MICU3: variants seen among roughly 807,000 people sequenced by gnomAD.
MICU3 encodes mitochondrial calcium uptake 3, also known as calcium uptake protein 3, mitochondrial.
A neutral mutation model predicts 66.5 loss-of-function variants in MICU3; 62 were observed. The ratio of observed to expected loss-of-function variants is 0.93; its 90% CI spans 0.76 to 1.15. The LOEUF (loss-of-function observed/expected upper bound fraction) is 1.15. Among genes scored for constraint, MICU3 ranks in the 50% most tolerant of loss-of-function variants. The pLI, the probability that MICU3 is intolerant of heterozygous loss-of-function variation, is 0.00. For missense variants in MICU3, 779 were observed against 664.4 expected (o/e 1.17, Z -1.90); for synonymous variants, 308 against 240.7 (o/e 1.28, Z -2.59).
intron 1 of MICU3, among the ~76,000 whole-genome samples, chr8:17,039,203 T>C (rs1813604070): frequency 6.6e-6 from 1 of 152,222 alleles, no homozygotes; most frequent in South Asian, 2.1e-4. Flanking sequence ...AATAGGCTAA[T>C]TGTAGCATAA....
At chr8:17,049,414 G>C (rs1160000890) in intron 1 of MICU3, among the ~76,000 whole-genome samples, 1 of 152,158 alleles carries the variant, frequency 6.6e-6, no homozygotes, top group African/African-American at 2.4e-5. Flanking sequence ...CTAGTTAATA[G>C]TACATCAAGA....
chr8:17,029,023 C>A (rs1201492830), intron 1 of MICU3, among the ~76,000 whole-genome samples: 2 of 152,186 alleles, frequency 1.3e-5, no homozygotes, highest in Admixed American at 1.3e-4. Flanking sequence ...TTTGGCTCCA[C>A]GACTTGCTAC....
intron 1 of MICU3, among the ~76,000 whole-genome samples, chr8:17,036,745 C>T (rs962823868): frequency 6.6e-6 from 1 of 152,354 alleles, no homozygotes; most frequent in African/African-American, 2.4e-5. Flanking sequence ...AGGAGCCCAG[C>T]TGGCCTCACC....
At chr8:17,027,815 G>T (rs1811272997) in intron 1 of MICU3, among the ~76,000 whole-genome samples, 155 bp downstream of exon 1, 1 of 152,186 alleles carries the variant, frequency 6.6e-6, no homozygotes, top group Admixed American at 6.5e-5. Flanking sequence ...GACAGCCTAG[G>T]ATCCGGTCAC....
chr8:17,099,574 G>T (rs1801079284), intron 9 of MICU3, among the ~76,000 whole-genome samples: 1 of 151,718 alleles, frequency 6.6e-6, no homozygotes, highest in African/African-American at 2.4e-5. Context: ...TAATATGTCT[G>T]TGATATATAA....
the MICU3 span, among the ~76,000 whole-genome samples, chr8:17,134,430 CTTTTG>C: frequency 2.3e-3 from 269 of 115,900 alleles, 1 homozygote; most frequent in African/African-American, 7.8e-3. Context: ...GAAAGTCAGC[CTTTTG>C]TTTGTTTGTT....
intron 3 of MICU3, among the ~76,000 whole-genome samples, chr8:17,075,375 G>C (rs1356623646): frequency 2.0e-5 from 3 of 152,150 alleles, no homozygotes; most frequent in African/African-American, 7.2e-5. Context: ...CCCCAACTCT[G>C]TAATCACAGT....
At chr8:17,070,972 G>A (rs1189527348) in intron 3 of MICU3, among the ~76,000 whole-genome samples, 4 of 152,260 alleles carry the variant, frequency 2.6e-5, no homozygotes, top group South Asian at 4.1e-4. Context: ...TCCTGGATAG[G>A]ACAGAGTTGG....
chr8:17,096,538 C>T (rs924510110), intron 8 of MICU3, among the ~76,000 whole-genome samples: 2 of 151,742 alleles, frequency 1.3e-5, no homozygotes, highest in Non-Finnish European at 2.9e-5. Flanking sequence ...GCTGTTTTTT[C>T]CTGCAGCAGT....
rs115633663 is a variant in MICU3, at chr8:17,038,287, G to A, written c.381+10627G>A. On this transcript the variant is annotated intron_variant, in intron 1 of 14. Transcript: ENST00000318063. ...GGACCCGGTGGGAGATAATTGAATC[G>A]TGGGGGTGGGTTTTTCCCATGCTGT... 1.7e-3 allele frequency among the ~76,000 whole-genome samples: 258 copies of A among 152,196 alleles called. 1 individual carries two copies. The highest frequency in any genetic ancestry group is 5.6e-3 in the African/African-American group (233 of 41,514).
chr8:17,137,484 T>A, the MICU3 span, among the ~76,000 whole-genome samples: 2 of 149,188 alleles, frequency 1.3e-5, no homozygotes, highest in Non-Finnish European at 3.0e-5. Flanking sequence ...AAGTTTTATA[T>A]TTAATACCTT....
intron 12 of MICU3, among the ~76,000 whole-genome samples, chr8:17,114,896 G>A (rs569136441): frequency 6.6e-6 from 1 of 152,026 alleles, no homozygotes; most frequent in South Asian, 2.1e-4. Context: ...GAGGCGGGCG[G>A]ATCACGAGGT....
chr8:17,106,624 A>G (rs1585530103), intron 11 of MICU3, among the ~76,000 whole-genome samples: 2 of 151,820 alleles, frequency 1.3e-5, no homozygotes, highest in African/African-American at 4.8e-5. Context: ...TTAAAGTTAA[A>G]TTCAGTTTCT....
chr8:17,117,544 T>C (rs1406060643), intron 13 of MICU3, among the ~76,000 whole-genome samples: 2 of 151,954 alleles, frequency 1.3e-5, no homozygotes, highest in African/African-American at 4.8e-5. Flanking sequence ...AAAAATGTTC[T>C]GTTAAAATTA....
intron 1 of MICU3, among the ~76,000 whole-genome samples, chr8:17,030,459 T>G (rs189606648): frequency 1.5e-3 from 222 of 152,174 alleles, no homozygotes; most frequent in African/African-American, 5.1e-3. Context: ...ATAGGAGAGA[T>G]GAGAGGTGCA....
chr8:17,063,253 AT>A (rs1818149523), intron 1 of MICU3, among the ~76,000 whole-genome samples: 1 of 152,196 alleles, frequency 6.6e-6, no homozygotes, highest in African/African-American at 2.4e-5. Flanking sequence ...ATTTAGTGAC[AT>A]AGAAAAATGG....
the MICU3 span, among the ~76,000 whole-genome samples, chr8:17,130,084 G>C: frequency 1.3e-5 from 2 of 152,160 alleles, no homozygotes; most frequent in Non-Finnish European, 2.9e-5. Context: ...GTAACCAGCA[G>C]ACCTGCACAC....
intron 8 of MICU3, among the ~76,000 whole-genome samples, chr8:17,096,955 T>TTTTG (rs1554531649): frequency 2.1e-5 from 3 of 141,548 alleles, no homozygotes; most frequent in South Asian, 4.5e-4. Context: ...CTAAATATAT[T>TTTTG]TGTGTGTGTG....
rs145026824 is a variant in MICU3, at chr8:17,098,403, T to C, written c.889-55T>C. 4.2e-3 allele frequency: 4,602 copies of C among 1,100,382 alleles called. 19 individuals carry two copies. The highest frequency in any genetic ancestry group is 5.1e-3 in the Non-Finnish European group (3,626 of 712,662). The allele number at this position is 1,100,382 out of a possible 1,614,324, so 68.2% of individuals were successfully genotyped here. A position where few individuals can be genotyped will look rare whatever the true frequency, so the allele number is the denominator to read the frequency against. ...GGTTAGATTTAAAGTGTATAAATTA[T>C]CATTCTTTGTAACTATTCTTTAGAT... On this transcript the variant is annotated intron_variant, in intron 8 of 14. Coordinates refer to ENST00000318063, the MANE Select transcript of MICU3 (RefSeq NM_181723.3).
Sources: allele counts gnomAD v4.1 joint callset (sites outside exome capture counted in the v4.1 genomes callset), GRCh38; gene constraint gnomAD v4.1.1; transcripts MANE v1.5; gene names NCBI Gene and HGNC (gene_info 2026-07-23, HGNC 2026-07-21).